The following ADAD2 variants were observed in gnomAD, a reference collection of about 807,000 sequenced individuals.
ADAD2 encodes adenosine deaminase domain containing 2.
A neutral mutation model predicts 54.5 loss-of-function variants in ADAD2; 60 were observed. The observed-to-expected ratio is 1.10, with a 90% CI of 0.89 to 1.36. The LOEUF is 1.36. Ranked by LOEUF, ADAD2 falls within the 40% of genes most tolerant of loss-of-function variation. ADAD2 has a pLI of 0.00. For missense variants in ADAD2, 1,103 were observed against 801.3 expected (o/e 1.38, Z -4.54); for synonymous variants, 543 against 366.2 (o/e 1.48, Z -5.51).
rs149917400 is a variant in ADAD2, at chr16:84,195,102, C to T, written c.641C>T (p.Ala214Val). The T allele has an allele frequency of 2.0e-5, 32 of 1,613,616 alleles. No individual in the cohort carries two copies. Among genetic ancestry groups the T allele is most frequent in the African/African-American group, 8.0e-5 (6 of 74,958 alleles). The change falls in exon 4 of 10, where the codon GCG becomes GTG. Residue 214 changes from alanine (A) to valine (V), a missense_variant. Physicochemically the swap from Ala to Val is moderately conservative, Grantham distance 64 (BLOSUM62 0). Transcript: ENST00000315906. ...NILTHEQRCA[A>V]LVSAGFDLLL... is the part of the protein sequence containing the mutation. ...CTGACCCATGAGCAGCGCTGCGCAG[C>T]GTTGGTGAGCGCCGGCTTTGACCTC...
At position 84,196,939 on chromosome 16, in the gene ADAD2, C is replaced by A; in HGVS notation, c.1717C>A (p.Pro573Thr). ...GGACCAGCAGGGCCTGGGGGCTTGG[C>A]CCTCGAAGCCACTGGTGGGCAAATT... ...LLDQQGLGAW[P>T]SKPLVGKFRN The change falls in exon 10 of 10, where the codon CCC becomes ACC. Residue 573 changes from proline to threonine, a missense_variant. Pro to Thr is a conservative substitution (Grantham distance 38). Coordinates refer to ENST00000315906, the MANE Select transcript of ADAD2 (RefSeq NM_001145400.2). The A allele has an allele frequency of 6.2e-7, 1 of 1,604,492 alleles. No homozygotes were observed. Among genetic ancestry groups the A allele is most frequent in the Non-Finnish European group, 8.5e-7 (1 of 1,176,750 alleles).
intron 1 of ADAD2, chr16:84,192,609 C>T (rs554980763): frequency 4.9e-4 from 74 of 152,384 alleles, no homozygotes; most frequent in African/African-American, 1.7e-3. Flanking sequence ...GGCACTATCT[C>T]AGCCCACTGC....
chr16:84,191,656 C>G lies in ADAD2; in HGVS notation c.418+8C>G, dbSNP rs751142260. 1.7e-5 allele frequency: 27 copies of G among 1,555,250 alleles called. No homozygotes were observed. The South Asian group carries it at 2.8e-4, about 16-fold the overall frequency. ...GGGAGGACCAGCCACCAGGTGAGGCCGGGCCGGGGCATGGCTGTGCCAGAG... is the reference window on the plus strand; with the variant it reads ...GGGAGGACCAGCCACCAGGTGAGGCGGGGCCGGGGCATGGCTGTGCCAGAG... On this transcript the variant is annotated splice_region_variant and intron_variant, in intron 1 of 9. Transcript: ENST00000315906.
chr16:84,196,754 A>G lies in ADAD2; in HGVS notation c.1634A>G (p.Tyr545Cys). ...CCCTACCTCCTGGCCTTGAAGACCT[A>G]CGAGGCTGCCAAGGTTGGTTCCCCA... ...GKPYLLALKTYEAAKAGPYQE... is the reference protein window; with the variant it reads ...GKPYLLALKTCEAAKAGPYQE... The change falls in exon 9 of 10, where the codon TAC becomes TGC. Residue 545 changes from tyrosine (Y) to cysteine (C), a missense_variant. Transcript: ENST00000315906. 6.2e-7 allele frequency: 1 copy of G among 1,611,740 alleles called. No homozygotes were observed. Among genetic ancestry groups the G allele is most frequent in the Non-Finnish European group, 8.5e-7 (1 of 1,179,020 alleles).
Position 84,194,521 on chromosome 16 carries a change from G to A in ADAD2, c.498G>A (p.Glu166=), listed in dbSNP as rs752286279. The part of the protein sequence containing the change: ...CPAGTANSKT[E]AKQQAALSAL... ...CGGGCACTGCGAATAGCAAGACGGA[G>A]GCCAAACAGCAGGCAGCGCTCTCTG... Residue 166 remains glutamate (E), a synonymous_variant, in exon 2 of 10, where the codon GAG becomes GAA. Coordinates refer to ENST00000315906, the MANE Select transcript of ADAD2 (RefSeq NM_001145400.2). 5.0e-6 allele frequency: 8 copies of A among 1,612,402 alleles called. No individual in the cohort carries two copies. Among genetic ancestry groups the A allele is most frequent in the Non-Finnish European group, 6.8e-6 (8 of 1,179,530 alleles).
At position 84,195,616 on chromosome 16, in the gene ADAD2, G is replaced by A; in HGVS notation, c.971G>A (p.Gly324Glu). 1 of 1,605,016 alleles carries A rather than the reference G, an allele frequency of 6.2e-7. No individual in the cohort carries two copies. The highest frequency in any genetic ancestry group is 8.5e-7 in the Non-Finnish European group (1 of 1,176,068). The change falls in exon 6 of 10, where the codon GGA becomes GAA. Residue 324 changes from glycine (G) to glutamate (E), a missense_variant. Physicochemically the swap from Gly to Glu is moderately conservative, Grantham distance 98. Transcript: ENST00000315906. Reference protein sequence around the residue: ...QSVLAPQPGPGPPFTLKPRVF... With the variant: ...QSVLAPQPGPEPPFTLKPRVF... The stretch of plus-strand genomic sequence containing the variant: ...GTGCTGGCCCCCCAGCCAGGGCCCG[G>A]ACCCCCATTCACCCTCAAGCCCCGC...
rs535354059 is a variant in ADAD2 at position 84,195,059 on chromosome 16, C to G, written c.608-10C>G. 6.2e-7 allele frequency: 1 copy of G among 1,612,932 alleles called. No homozygotes were observed. The highest frequency in any genetic ancestry group is 1.3e-5 in the African/African-American group (1 of 74,956). Reference sequence around the variant, plus strand: ...CCCCCTTCTACCTGCAGTCTCTCGCCCTGGCGCAGAGAACATCCTGACCCA... The same window carrying G: ...CCCCCTTCTACCTGCAGTCTCTCGCGCTGGCGCAGAGAACATCCTGACCCA... On this transcript the variant is annotated splice_polypyrimidine_tract_variant and intron_variant, in intron 3 of 9. Transcript: ENST00000315906.
intron 2 of ADAD2, 34 bp from the exon 3 acceptor site, chr16:84,194,899 A>G: frequency 1.3e-6 from 2 of 1,578,114 alleles, no homozygotes; most frequent in Non-Finnish European, 1.7e-6. Context: ...GGGCCTTGGC[A>G]CCCACACCAG....
Position 84,196,251 on chromosome 16 carries a change from G to T in ADAD2, c.1407G>T (p.Gly469=). 6 of 1,612,384 alleles carry T rather than the reference G, an allele frequency of 3.7e-6. No homozygotes were observed. The highest frequency in any genetic ancestry group is 5.1e-6 in the Non-Finnish European group (6 of 1,179,924). The part of the protein sequence containing the change: ...YVRTALHLFA[G]PPVAPSEPTP... Reference sequence around the variant, plus strand: ...GGACCGCCCTGCACCTGTTTGCAGGGCCCCCGGTGGCCCCTTCCGAACCCA... The same window carrying T: ...GGACCGCCCTGCACCTGTTTGCAGGTCCCCCGGTGGCCCCTTCCGAACCCA... Residue 469 remains glycine, a synonymous_variant, in exon 8 of 10, where the codon GGG becomes GGT. Coordinates refer to ENST00000315906, the MANE Select transcript of ADAD2 (RefSeq NM_001145400.2).
rs560852557 is a variant in ADAD2 at position 84,196,246 on chromosome 16, G to A, written c.1402G>A (p.Ala468Thr). 3 of 1,612,380 alleles carry A rather than the reference G, an allele frequency of 1.9e-6. No homozygotes were observed. In the South Asian group the frequency reaches 3.3e-5, roughly 18 times the overall value. ...PYVRTALHLF[A>T]GPPVAPSEPT... ...CGTCCGGACCGCCCTGCACCTGTTT[G>A]CAGGGCCCCCGGTGGCCCCTTCCGA... The change falls in exon 8 of 10, where the codon GCA becomes ACA. Residue 468 changes from alanine to threonine, a missense_variant. By Grantham distance (58) the Ala-to-Thr change is moderately conservative (BLOSUM62 0). Coordinates refer to ENST00000315906, the MANE Select transcript of ADAD2 (RefSeq NM_001145400.2).
chr16:84,191,970 A>C, intron 1 of ADAD2: 2 of 471,510 alleles, frequency 4.2e-6, no homozygotes, highest in Non-Finnish European at 7.8e-6. Flanking sequence ...CATGCAATTT[A>C]AGTTGCCGTG....
At chr16:84,194,178 C>T (rs1315943776) in intron 1 of ADAD2, 1 of 1,595,458 alleles carries the variant, frequency 6.3e-7, no homozygotes, top group Non-Finnish European at 8.5e-7. Flanking sequence ...CGTTTCTGCT[C>T]ATCTGTGAAA....
At chr16:84,191,681 G>C (rs1483827110) in intron 1 of ADAD2, 33 bp downstream of exon 1, 9 of 1,548,814 alleles carry the variant, frequency 5.8e-6, no homozygotes, top group Admixed American at 1.9e-5. Context: ...CTGTGCCAGA[G>C]GGCAGAGCCA....
At position 84,191,624 on chromosome 16, in the gene ADAD2, C is replaced by G; in HGVS notation, c.394C>G (p.Leu132Val). The G allele has an allele frequency of 1.9e-6, 3 of 1,555,746 alleles. No individual in the cohort carries two copies. The highest frequency in any genetic ancestry group is 2.6e-6 in the Non-Finnish European group (3 of 1,149,964). ...EYAASLGIFL[L>V]FREDQPPGPC... ...CGCGGCCAGCCTGGGCATCTTCCTG[C>G]TCTTCCGGGAGGACCAGCCACCAGG... Residue 132 changes from leucine to valine, a missense_variant, in exon 1 of 10, where the codon CTC becomes GTC. Physicochemically the swap from Leu to Val is conservative, Grantham distance 32. Transcript: ENST00000315906.
rs1355446981 is a variant in ADAD2, at chr16:84,196,316, T to C, written c.1472T>C (p.Leu491Pro). 6.2e-7 allele frequency: 1 copy of C among 1,612,794 alleles called. No individual in the cohort carries two copies. Among genetic ancestry groups the C allele is most frequent in the Non-Finnish European group, 8.5e-7 (1 of 1,179,974 alleles). ...TCRGLSLNWSLGDPGIEVVDV... is the reference protein window; with the variant it reads ...TCRGLSLNWSPGDPGIEVVDV... Reference sequence around the variant, plus strand: ...CGTGGCCTGAGCCTCAACTGGAGCCTGGGGGACCCTGGCATCGAGGTTGTG... The same window carrying C: ...CGTGGCCTGAGCCTCAACTGGAGCCCGGGGGACCCTGGCATCGAGGTTGTG... The change falls in exon 8 of 10, where the codon CTG (leucine) becomes CCG (proline). Residue 491 changes from leucine to proline, a missense_variant. Transcript: ENST00000315906.
chr16:84,193,858 AC>A, intron 1 of ADAD2: 1 of 828,010 alleles, frequency 1.2e-6, no homozygotes, highest in African/African-American at 1.7e-5. Flanking sequence ...CAAAAGGGAA[AC>A]CCCCAGAGGG....
At position 84,194,967 on chromosome 16, in the gene ADAD2, C is replaced by T; in HGVS notation, c.594C>T (p.Ala198=). Residue 198 remains alanine, a synonymous_variant, in exon 3 of 10, where the codon GCC becomes GCT. Transcript: ENST00000315906. ...AGACCTCCAGCCGGCCTCCACTGGCCCCCCTGAGCGTAGGTAGGTGAGCAT... is the reference window on the plus strand; with the variant it reads ...AGACCTCCAGCCGGCCTCCACTGGCTCCCCTGAGCGTAGGTAGGTGAGCAT... ...SPQTSSRPPL[A]PLSVENILTH... is the part of the protein sequence containing the mutation. 6.2e-7 allele frequency: 1 copy of T among 1,612,100 alleles called. No individual in the cohort carries two copies. The highest frequency in any genetic ancestry group is 8.5e-7 in the Non-Finnish European group (1 of 1,179,430).
chr16:84,196,637 C>G lies in ADAD2; in HGVS notation c.1527-10C>G, dbSNP rs770482955. 4.3e-6 allele frequency: 7 copies of G among 1,612,754 alleles called. No individual in the cohort carries two copies. Among genetic ancestry groups the G allele is most frequent in the South Asian group, 3.3e-5 (3 of 91,022 alleles). ...CTCTCTGATCTCAGTGGTATCCTCT[C>G]TTCATCCAGTGCCGCCCTGGGGCCT... is the stretch of plus-strand genomic sequence containing the variant. On this transcript the variant is annotated splice_polypyrimidine_tract_variant and intron_variant, in intron 8 of 9. Transcript: ENST00000315906.
In ADAD2 at chr16:84,191,478, C is replaced by T. The variant is rs760536000; in HGVS notation, c.248C>T (p.Ala83Val). 71 of 1,538,482 alleles carry T rather than the reference C, an allele frequency of 4.6e-5. No homozygotes were observed. Among genetic ancestry groups the T allele is most frequent in the Middle Eastern group, 1.7e-4 (1 of 5,914 alleles). Residue 83 changes from alanine (A) to valine (V), a missense_variant, in exon 1 of 10, where the codon GCG becomes GTG. Physicochemically the swap from Ala to Val is moderately conservative, Grantham distance 64. Coordinates refer to ENST00000315906, the MANE Select transcript of ADAD2 (RefSeq NM_001145400.2). ...GTCGGGGAACTGGGGGCAGCCCGGG[C>T]GTGGGAAAACTTGGGGGAACAGATG... is the stretch of plus-strand genomic sequence containing the variant. ...AGVGELGAARAWENLGEQMGK... is the reference protein window; with the variant it reads ...AGVGELGAARVWENLGEQMGK...
Sources: gnomAD v4.1 joint callset for allele counts on GRCh38, gnomAD v4.1.1 for gene constraint, MANE v1.5 for transcripts, NCBI Gene and HGNC (gene_info 2026-07-23, HGNC 2026-07-21) for gene names.